The following RNF157 variants were observed in gnomAD, a reference collection of about 807,000 sequenced individuals.
RNF157 encodes ring finger protein 157, also known as E3 ubiquitin ligase RNF157.
RNF157 carries 55 observed loss-of-function variants against 88.3 expected under a neutral mutation model. That is an observed-to-expected ratio of 0.62 (90% CI 0.50 to 0.78). The LOEUF (loss-of-function observed/expected upper bound fraction) is 0.78, where lower values mean the gene tolerates loss of function less well. RNF157 is among the 30% of genes least tolerant of loss of function. The pLI is 0.00. For synonymous variants in RNF157, 334 were observed against 341.2 expected (o/e 0.98, Z 0.23); for missense variants, 788 against 860.8 (o/e 0.92, Z 1.06).
intron 13 of RNF157, 192 bp from the exon 14 acceptor site, chr17:76,156,513 C>T: frequency 1.4e-6 from 2 of 1,411,794 alleles, no homozygotes; most frequent in Middle Eastern, 2.6e-4. Flanking sequence ...TGACTGCCTC[C>T]CAGGGGAGGC....
intron 13 of RNF157, chr17:76,156,586 C>T: frequency 1.1e-6 from 1 of 950,306 alleles, no homozygotes; most frequent in Non-Finnish European, 1.3e-6. Flanking sequence ...ACAAAGACTG[C>T]AGCTCGGGTG....
At position 76,144,016 on chromosome 17, in the gene RNF157, T is replaced by G. The variant is rs2068549714; in HGVS notation, c.*1219A>C. ...ACTTAGCTCAAGGCTCTCCATCACTTCCTTTGGGGACCTGGGCACCAAACT... is the reference window on the plus strand; with the variant it reads ...ACTTAGCTCAAGGCTCTCCATCACTGCCTTTGGGGACCTGGGCACCAAACT... On this transcript the variant is annotated 3_prime_UTR_variant, in exon 19 of 19. Coordinates refer to ENST00000269391, the MANE Select transcript of RNF157 (RefSeq NM_052916.3). 1 of 152,176 alleles carries G rather than the reference T, an allele frequency of 6.6e-6. No homozygotes were observed. The highest frequency in any genetic ancestry group is 1.5e-5 in the Non-Finnish European group (1 of 68,102). The allele number at this position is 152,176 out of a possible 1,614,324, so 9.4% of individuals were successfully genotyped here.
At chr17:76,147,425 C>T (rs981744643) in intron 18 of RNF157, 3 of 791,878 alleles carry the variant, frequency 3.8e-6, no homozygotes, top group Non-Finnish European at 3.1e-6. Flanking sequence ...ACCAGCAAGC[C>T]ATGGAATGCT....
intron 2 of RNF157, among the ~76,000 whole-genome samples, chr17:76,210,169 G>A (rs1045439684): frequency 6.6e-6 from 1 of 152,198 alleles, no homozygotes; most frequent in Non-Finnish European, 1.5e-5. Flanking sequence ...CAAGGCAGTA[G>A]TAACAAAATC....
intron 1 of RNF157, chr17:76,225,693 C>G: frequency 7.6e-7 from 1 of 1,313,090 alleles, no homozygotes; most frequent in Non-Finnish European, 1.0e-6. Context: ...TATTGGAACA[C>G]ACAGCTACAG....
At chr17:76,222,183 T>C (rs1317706125) in intron 1 of RNF157, among the ~76,000 whole-genome samples, 1 of 152,208 alleles carries the variant, frequency 6.6e-6, no homozygotes, top group Non-Finnish European at 1.5e-5. Context: ...CCGTCTCTAC[T>C]AAAAATACAA....
intron 2 of RNF157, among the ~76,000 whole-genome samples, chr17:76,179,042 T>C (rs78665503): frequency 0.036 from 5,556 of 152,332 alleles, 152 homozygotes; most frequent in Non-Finnish European, 0.059. Flanking sequence ...TAAATGTTTG[T>C]GTTTGTCCAC....
chr17:76,163,179 G>C (rs1478832428), intron 8 of RNF157: 3 of 148,958 alleles, frequency 2.0e-5, no homozygotes, highest in African/African-American at 7.6e-5. Context: ...TACACCTCTT[G>C]GCCCTGTTTC....
Position 76,146,282 on chromosome 17 carries a change from T to C in RNF157, c.1922-929A>G, listed in dbSNP as rs1158190274. 1.1e-6 allele frequency: 1 copy of C among 920,168 alleles called. No individual in the cohort carries two copies. Among genetic ancestry groups the C allele is most frequent in the Admixed American group, 6.2e-5 (1 of 16,184 alleles). The allele number at this position is 920,168 out of a possible 1,614,324, so 57.0% of individuals were successfully genotyped here. ...GTTTTCTCACCCATCAGATGGGACATGCGTACTGACCTCACGGGCTTGCTG... is the reference window on the plus strand; with the variant it reads ...GTTTTCTCACCCATCAGATGGGACACGCGTACTGACCTCACGGGCTTGCTG... On this transcript the variant is annotated intron_variant, in intron 18 of 18. Transcript: ENST00000269391. This position sits in a 1 kb window ranked among gnomAD's most constrained non-coding sequence, Gnocchi z 4.2.
intron 1 of RNF157, among the ~76,000 whole-genome samples, chr17:76,239,015 G>A (rs1305115156): frequency 6.6e-6 from 1 of 152,102 alleles, no homozygotes; most frequent in Non-Finnish European, 1.5e-5. Flanking sequence ...GGCAGACACT[G>A]GACACACTGC....
At chr17:76,189,937 T>C (rs1313458194) in intron 2 of RNF157, among the ~76,000 whole-genome samples, 1 of 152,192 alleles carries the variant, frequency 6.6e-6, no homozygotes, top group Non-Finnish European at 1.5e-5. Flanking sequence ...CAGTGGGTCC[T>C]TCTCCTCCAG....
At chr17:76,159,830 A>G (rs866336028) in intron 11 of RNF157, among the ~76,000 whole-genome samples, 3 of 152,132 alleles carry the variant, frequency 2.0e-5, no homozygotes, top group Non-Finnish European at 4.4e-5. Context: ...ATAAAAGTAA[A>G]AGTAAGGAAA....
intron 2 of RNF157, among the ~76,000 whole-genome samples, chr17:76,206,688 G>A (rs768371176): frequency 4.7e-4 from 71 of 152,128 alleles, no homozygotes; most frequent in Non-Finnish European, 6.0e-4. Flanking sequence ...TGTTGCCCAG[G>A]CTGGACTGCA....
intron 1 of RNF157, among the ~76,000 whole-genome samples, chr17:76,225,356 T>C (rs2145059935): frequency 6.6e-6 from 1 of 152,140 alleles, no homozygotes; most frequent in Admixed American, 6.5e-5. Context: ...ACAATACATG[T>C]CCTTTGCCAA....
In RNF157 at chr17:76,240,317, G is replaced by T; in HGVS notation, c.-77C>A. 1.4e-6 allele frequency: 1 copy of T among 695,348 alleles called. No individual in the cohort carries two copies. 43.1% of individuals were successfully genotyped at this position (695,348 alleles called of 1,614,324 possible). A position where few individuals can be genotyped will look rare whatever the true frequency, so the allele number is the denominator to read the frequency against. On this transcript the variant is annotated 5_prime_UTR_variant, in exon 1 of 19. Coordinates refer to ENST00000269391, the MANE Select transcript of RNF157 (RefSeq NM_052916.3). The surrounding 1 kb of genome is among the most constrained non-coding windows in gnomAD (Gnocchi z 4.4). ...GCGCTTCACCGCGGCCGCCCGCCCC[G>T]CGCCCGGTGCGGGGGCCGACTGCCC...
chr17:76,167,696 G>A lies in RNF157; in HGVS notation c.398C>T (p.Thr133Ile). ...CTCTTCCGTGGCCTGGTAATAGATG[G>A]TGATGGCTACCCGAGCATCTGTGTC... ...TFDTDARVAI[T>I]IYYQATEEFQ... Residue 133 changes from threonine to isoleucine, a missense_variant, in exon 4 of 19, where the codon ACC (threonine) becomes ATC (isoleucine). Physicochemically the swap from Thr to Ile is moderately conservative, Grantham distance 89. Transcript: ENST00000269391. 1 of 1,614,194 alleles carries A rather than the reference G, an allele frequency of 6.2e-7. No individual in the cohort carries two copies. Among genetic ancestry groups the A allele is most frequent in the South Asian group, 1.1e-5 (1 of 91,084 alleles).
At chr17:76,239,981 G>C (rs1336510913) in intron 1 of RNF157, among the ~76,000 whole-genome samples, 172 bp downstream of exon 1, 1 of 151,798 alleles carries the variant, frequency 6.6e-6, no homozygotes. Flanking sequence ...ATTCGCCCGG[G>C]GCGGGGGAGA....
intron 2 of RNF157, among the ~76,000 whole-genome samples, chr17:76,193,444 G>A (rs9911832): frequency 0.3 from 45,650 of 151,970 alleles, 7,227 homozygotes; most frequent in African/African-American, 0.4. Context: ...AGTAAATACA[G>A]TTAGGATATA....
In RNF157 at chr17:76,160,676, T is replaced by TA. The variant is rs762329083; in HGVS notation, c.1065+858dup. ...TGATACACACATTGTAAATAGTTTT[T>TA]AAAAAAACACTATTTGTTGTCTAAC... On this transcript the variant is annotated intron_variant, in intron 11 of 18. Transcript: ENST00000269391. The surrounding 1 kb of genome is among the most constrained non-coding windows in gnomAD (Gnocchi z 4.3). Among the ~76,000 whole-genome samples, 14 of 152,312 alleles carry TA rather than the reference T, an allele frequency of 9.2e-5. No homozygotes were observed. Among genetic ancestry groups the TA allele is most frequent in the East Asian group, 3.8e-4 (2 of 5,196 alleles).
Sources: allele counts gnomAD v4.1 joint callset (sites outside exome capture counted in the v4.1 genomes callset), GRCh38; gene constraint gnomAD v4.1.1; non-coding constraint Gnocchi (gnomAD v3.1); transcripts MANE v1.5; gene names NCBI Gene and HGNC (gene_info 2026-07-23, HGNC 2026-07-21).